Variants in ERMP1 observed in about 807,000 individuals in gnomAD.
ERMP1 encodes endoplasmic reticulum metallopeptidase 1.
Under a neutral mutation model 92.0 loss-of-function variants are expected in ERMP1, and 86 were observed. That is an observed-to-expected ratio of 0.93 (90% CI 0.79 to 1.12). The LOEUF is 1.12. Among genes scored for constraint, ERMP1 ranks in the 50% most tolerant of loss-of-function variants. The pLI is 0.00. For synonymous variants in ERMP1, 530 were observed against 412.8 expected, an observed-to-expected ratio of 1.28 and a Z score of -3.44; for missense variants, 1,342 against 1,116.3, an observed-to-expected ratio of 1.20 and a Z score of -2.88.
chr9:5,816,050 T>C (rs1015418466), intron 4 of ERMP1, among the ~76,000 whole-genome samples: 1 of 152,140 alleles, frequency 6.6e-6, no homozygotes, highest in African/African-American at 2.4e-5. Flanking sequence ...TAATAGTTCC[T>C]CTTAGATGGG....
chr9:5,800,305 G>A (rs1828619412), intron 11 of ERMP1, among the ~76,000 whole-genome samples: 1 of 152,190 alleles, frequency 6.6e-6, no homozygotes, highest in African/African-American at 2.4e-5. Context: ...CTCTAACAGA[G>A]ATGACTAGAA....
At chr9:5,809,022 A>G (rs984447055) in intron 8 of ERMP1, among the ~76,000 whole-genome samples, 2 of 149,444 alleles carry the variant, frequency 1.3e-5, no homozygotes, top group Non-Finnish European at 3.0e-5. Flanking sequence ...CCCAGCCCAT[A>G]GCCCTAATTT....
At chr9:5,826,920 G>T (rs559573606) in intron 2 of ERMP1, among the ~76,000 whole-genome samples, 44 of 152,302 alleles carry the variant, frequency 2.9e-4, no homozygotes, top group Non-Finnish European at 4.6e-4. Context: ...CGTTAAAAGA[G>T]AACTACAGAA....
intron 6 of ERMP1, among the ~76,000 whole-genome samples, chr9:5,846,723 G>A (rs1332289510): frequency 2.0e-5 from 3 of 152,152 alleles, no homozygotes; most frequent in Admixed American, 6.5e-5. Context: ...CAGGTACTTT[G>A]CTATCCCTGT....
At chr9:5,814,455 G>T (rs1829225765) in intron 4 of ERMP1, among the ~76,000 whole-genome samples, 1 of 152,148 alleles carries the variant, frequency 6.6e-6, no homozygotes, top group African/African-American at 2.4e-5. Flanking sequence ...TTTAAAAAAT[G>T]ACCAAGGCTG....
intron 2 of ERMP1, among the ~76,000 whole-genome samples, chr9:5,829,669 T>G (rs1346455870): frequency 3.3e-5 from 5 of 152,202 alleles, no homozygotes; most frequent in African/African-American, 1.2e-4. Flanking sequence ...TAATATTCTT[T>G]TTCCTTTCAA....
intron 3 of ERMP1, 67 bp from the exon 4 acceptor site, chr9:5,824,068 T>C: frequency 7.7e-7 from 1 of 1,301,150 alleles, no homozygotes; most frequent in Non-Finnish European, 1.1e-6. Flanking sequence ...TGATTTTGCT[T>C]AAACACAGAG....
At chr9:5,817,283 G>A (rs912094529) in intron 4 of ERMP1, among the ~76,000 whole-genome samples, 4 of 151,736 alleles carry the variant, frequency 2.6e-5, no homozygotes, top group South Asian at 2.1e-4. Context: ...TCTGCCTCCC[G>A]GGTTCAAGCG....
At chr9:5,854,533 G>T (rs1038189520) in intron 6 of ERMP1, among the ~76,000 whole-genome samples, 2 of 152,126 alleles carry the variant, frequency 1.3e-5, no homozygotes, top group African/African-American at 2.4e-5. Flanking sequence ...GTTCCATATG[G>T]TCTTATACTT....
chr9:5,827,940 TG>T (rs1217336043), intron 2 of ERMP1, among the ~76,000 whole-genome samples: 1 of 152,162 alleles, frequency 6.6e-6, no homozygotes. Flanking sequence ...ATCGCGCCAC[TG>T]CACTCTAGCC....
chr9:5,862,900 A>G (rs1337870653), intron 5 of ERMP1, among the ~76,000 whole-genome samples: 1 of 152,250 alleles, frequency 6.6e-6, no homozygotes, highest in Non-Finnish European at 1.5e-5. Flanking sequence ...TAAGAAAGCC[A>G]GAATCCAATG....
Position 5,787,574 on chromosome 9 carries a change from G to A in ERMP1, c.2406C>T (p.Phe802=). Residue 802 remains phenylalanine (F), a synonymous_variant, in exon 14 of 15, where the codon TTC becomes TTT. Coordinates refer to ENST00000339450, the MANE Select transcript of ERMP1 (RefSeq NM_024896.3). ...FEATGPSHMS[F]YVRAHKGSTL... ...TTGACCCTTTGTGGGCTCGAACATA[G>A]AAGGACATATGGCTTGGTCCTGTAA... 6.2e-7 allele frequency: 1 copy of A among 1,613,452 alleles called. No homozygotes were observed. The highest frequency in any genetic ancestry group is 1.3e-5 in the African/African-American group (1 of 74,908).
chr9:5,806,722 G>A (rs1399215513), intron 8 of ERMP1, among the ~76,000 whole-genome samples: 4 of 152,124 alleles, frequency 2.6e-5, no homozygotes, highest in African/African-American at 7.2e-5. Context: ...TTACAGGTGT[G>A]AGCCACTGTG....
Position 5,830,748 on chromosome 9 carries a change from C to CA in ERMP1, c.618dup (p.Asp207Ter). The CA allele has an allele frequency of 6.2e-7, 1 of 1,612,614 alleles. No individual in the cohort carries two copies. Among genetic ancestry groups the CA allele is most frequent in the East Asian group, 2.2e-5 (1 of 44,864 alleles). ...ATACCTGGTGAGTTTGCTACTGAGT[C>CA]AAAATGACAATTAGCCAAGACAGCA... On this transcript the variant is annotated frameshift_variant, in exon 2 of 15. Coordinates refer to ENST00000339450, the MANE Select transcript of ERMP1 (RefSeq NM_024896.3). LOFTEE classifies it high-confidence loss of function.
Position 5,813,006 on chromosome 9 carries a change from A to G in ERMP1, c.904T>C (p.Tyr302His). The change falls in exon 5 of 15, where the codon TAT (tyrosine) becomes CAT (histidine). Residue 302 changes from tyrosine to histidine, a missense_variant. Transcript: ENST00000339450. Reference protein sequence around the residue: ...GPENPWLVQAYVSAAKHPFAS... With the variant: ...GPENPWLVQAHVSAAKHPFAS... ...AAAGGGTGTTTAGCTGCTGAAACAT[A>G]AGCTTGAACCAACCAAGGATTTTCA... 6.2e-7 allele frequency: 1 copy of G among 1,614,078 alleles called. No individual in the cohort carries two copies. Among genetic ancestry groups the G allele is most frequent in the Non-Finnish European group, 8.5e-7 (1 of 1,179,936 alleles).
chr9:5,862,013 A>T (rs544178917), intron 5 of ERMP1, among the ~76,000 whole-genome samples: 2 of 151,990 alleles, frequency 1.3e-5, no homozygotes, highest in African/African-American at 4.8e-5. Context: ...TTTTTTTTTA[A>T]AAAAAGTATG....
intron 8 of ERMP1, among the ~76,000 whole-genome samples, chr9:5,809,361 C>T (rs1485055894): frequency 6.6e-6 from 1 of 152,202 alleles, no homozygotes; most frequent in Non-Finnish European, 1.5e-5. Context: ...CAAATTTATG[C>T]ATTTGAAACC....
chr9:5,817,221 G>A (rs959770551), intron 4 of ERMP1, among the ~76,000 whole-genome samples: 5 of 148,352 alleles, frequency 3.4e-5, no homozygotes, highest in African/African-American at 7.5e-5. Flanking sequence ...AGAGTCTCTC[G>A]CTCTGTCGTC....
chr9:5,805,706 G>C lies in ERMP1; in HGVS notation c.1628C>G (p.Thr543Ser), dbSNP rs1828844945. 1 of 1,613,744 alleles carries C rather than the reference G, an allele frequency of 6.2e-7. No homozygotes were observed. Among genetic ancestry groups the C allele is most frequent in the Non-Finnish European group, 8.5e-7 (1 of 1,179,874 alleles). Residue 543 changes from threonine (T) to serine (S), a missense_variant, in exon 9 of 15, where the codon ACT (threonine) becomes AGT (serine). Thr to Ser is a moderately conservative substitution (Grantham distance 58, BLOSUM62 1). Transcript: ENST00000339450. Reference protein sequence around the residue: ...FVHCCFLVTLTYQGLCSAFIS... With the variant: ...FVHCCFLVTLSYQGLCSAFIS... ...AAACGCCGAGCAAAGTCCTTGGTAA[G>C]TGAGGGTAACAAGAAAACAGCAATG... is the stretch of plus-strand genomic sequence containing the variant.
Sources: allele counts gnomAD v4.1 joint callset (sites outside exome capture counted in the v4.1 genomes callset), GRCh38; gene constraint gnomAD v4.1.1; transcripts MANE v1.5; gene names NCBI Gene and HGNC (gene_info 2026-07-23, HGNC 2026-07-21).